WSCD1: variants seen among roughly 807,000 people sequenced by gnomAD.
WSCD1 encodes sialate:O-sulfotransferase 1.
A neutral mutation model predicts 60.4 loss-of-function variants in WSCD1; 41 were observed. The ratio of observed to expected loss-of-function variants is 0.68; its 90% confidence interval spans 0.53 to 0.88. WSCD1 has a LOEUF of 0.88. Ranked by LOEUF, WSCD1 falls within the 40% of genes least tolerant of loss-of-function variation. The pLI is 0.00. For synonymous variants in WSCD1, 361 were observed against 332.5 expected, an observed-to-expected ratio of 1.09 and a Z score of -0.93; for missense variants, 784 against 796.2, an observed-to-expected ratio of 0.98 and a Z score of 0.18.
intron 2 of WSCD1, among the ~76,000 whole-genome samples, 182 bp downstream of exon 2, chr17:6,081,267 C>T (rs1403038788): frequency 1.3e-5 from 2 of 152,220 alleles, no homozygotes; most frequent in Admixed American, 1.3e-4. Context: ...GCTCACTCAC[C>T]AGCTGGAGTT....
intron 5 of WSCD1, among the ~76,000 whole-genome samples, chr17:6,099,920 CAT>C (rs1251898438): frequency 6.6e-6 from 1 of 152,200 alleles, no homozygotes; most frequent in Non-Finnish European, 1.5e-5. Flanking sequence ...AATCACCCCA[CAT>C]GTGTCCATGT....
chr17:6,116,015 T>C (rs1911668156), intron 7 of WSCD1, among the ~76,000 whole-genome samples: 1 of 152,180 alleles, frequency 6.6e-6, no homozygotes, highest in Non-Finnish European at 1.5e-5. Context: ...CTTATAACAA[T>C]CTTGGTTCTG....
upstream of WSCD1, chr17:6,069,424 TGTGTGAGAGAGA>T (rs781606501): frequency 0.03 from 7,781 of 263,272 alleles, 3 homozygotes; most frequent in Non-Finnish European, 0.036. Context: ...TGTGTGTGTG[TGTGTGAGAGAGA>T]GAGAGAGAGA....
intron 5 of WSCD1, among the ~76,000 whole-genome samples, chr17:6,100,430 G>A (rs534094195): frequency 5.9e-5 from 9 of 152,350 alleles, no homozygotes; most frequent in South Asian, 2.1e-4. Context: ...AAGTCAAACC[G>A]CCATCTGCCC....
At chr17:6,084,230 A>C (rs1413791800) in intron 2 of WSCD1, among the ~76,000 whole-genome samples, 2 of 152,258 alleles carry the variant, frequency 1.3e-5, no homozygotes, top group Non-Finnish European at 2.9e-5. Flanking sequence ...AATGTGTGCC[A>C]GGACCGAAGG....
Position 6,090,324 on chromosome 17 carries a change from C to T in WSCD1, c.546C>T (p.Ser182=), listed in dbSNP as rs1484988148. Residue 182 remains serine (S), a synonymous_variant, in exon 4 of 9, where the codon TCC becomes TCT. Coordinates refer to ENST00000317744, the MANE Select transcript of WSCD1 (RefSeq NM_015253.2). ...SHCQDACAER[S]YVYAGLEAGA... is the part of the protein sequence containing the mutation. ...CACCCAGGCCTCCTCCCTGCAGGTC[C>T]TATGTCTACGCCGGCTTGGAGGCCG... The T allele has an allele frequency of 6.3e-7, 1 of 1,594,278 alleles. No homozygotes were observed. The highest frequency in any genetic ancestry group is 1.4e-5 in the African/African-American group (1 of 73,672).
chr17:6,109,804 C>G, intron 6 of WSCD1, 38 bp downstream of exon 6: 1 of 1,596,228 alleles, frequency 6.3e-7, no homozygotes, highest in Non-Finnish European at 8.6e-7. Flanking sequence ...GGCATTTGGT[C>G]TGGGGGGTGG....
intron 1 of WSCD1, among the ~76,000 whole-genome samples, chr17:6,077,589 G>C (rs1473618708): frequency 6.6e-6 from 1 of 152,144 alleles, no homozygotes; most frequent in Non-Finnish European, 1.5e-5. Context: ...GGGAGCGCCA[G>C]AAAATACTTT....
Position 6,122,320 on chromosome 17 carries a change from C to T in WSCD1, c.*1659C>T, listed in dbSNP as rs1010120465. On this transcript the variant is annotated 3_prime_UTR_variant, in exon 9 of 9. Transcript: ENST00000317744. The stretch of plus-strand genomic sequence containing the variant: ...GTGGGTGGGTTTGGGCATCTGTGCC[C>T]CTGGTGGCCTCCAAATCCTTCCTGG... 4 of 152,248 alleles carry T rather than the reference C, an allele frequency of 2.6e-5. No individual in the cohort carries two copies. Among genetic ancestry groups the T allele is most frequent in the African/African-American group, 9.7e-5 (4 of 41,438 alleles). 9.4% of individuals were successfully genotyped at this position (152,248 alleles called of 1,614,324 possible).
At chr17:6,095,046 C>A in intron 4 of WSCD1, 56 bp from the exon 5 acceptor site, 1 of 1,564,408 alleles carries the variant, frequency 6.4e-7, no homozygotes, top group South Asian at 1.2e-5. Context: ...TCCCTGGTGA[C>A]AGGCACCAAC....
At position 6,117,851 on chromosome 17, in the gene WSCD1, C is replaced by T. The variant is rs1038616157; in HGVS notation, c.1175-137C>T. ...GCCGTTCCTATCACCATCCATAGGT[C>T]CTCTCAGTGTCCTCTGTGTCTTCCA... On this transcript the variant is annotated intron_variant, in intron 7 of 8. Transcript: ENST00000317744. 2.6e-5 allele frequency: 21 copies of T among 821,686 alleles called. No individual in the cohort carries two copies. The African/African-American group carries it at 3.2e-4, about 13-fold the overall frequency. 50.9% of individuals were successfully genotyped at this position (821,686 alleles called of 1,614,324 possible). A position where few individuals can be genotyped will look rare whatever the true frequency, so the allele number is the denominator to read the frequency against.
chr17:6,116,243 G>T (rs2150570673), intron 7 of WSCD1, among the ~76,000 whole-genome samples: 1 of 152,262 alleles, frequency 6.6e-6, no homozygotes, highest in African/African-American at 2.4e-5. Flanking sequence ...TGGCTGTTTT[G>T]GTCTACATAT....
rs1225102057 is a variant in WSCD1 at position 6,080,729 on chromosome 17, C to CT, written c.72dup (p.Ala25CysfsTer99). ...CAGTTCCTGCTGTTCTTCCTCACGG[C>CT]TGCCTACCTGATGACCGGCAGCCTG... On this transcript the variant is annotated frameshift_variant, in exon 2 of 9. Coordinates refer to ENST00000317744, the MANE Select transcript of WSCD1 (RefSeq NM_015253.2). LOFTEE classifies it high-confidence loss of function. The surrounding 1 kb of genome is among the most constrained non-coding windows in gnomAD (Gnocchi z 6.6). 1.2e-6 allele frequency: 2 copies of CT among 1,613,320 alleles called. No homozygotes were observed. The highest frequency in any genetic ancestry group is 1.7e-6 in the Non-Finnish European group (2 of 1,179,912).
chr17:6,088,787 T>TTC (rs1909825740), intron 3 of WSCD1, among the ~76,000 whole-genome samples: 3 of 14,370 alleles, frequency 2.1e-4, no homozygotes, highest in South Asian at 8.9e-3. Flanking sequence ...TTTTTTCACC[T>TTC]TTTTTTTTTT....
chr17:6,120,704 G>T lies in WSCD1; in HGVS notation c.*43G>T. The T allele has an allele frequency of 1.3e-6, 2 of 1,556,840 alleles. No homozygotes were observed. The highest frequency in any genetic ancestry group is 8.7e-7 in the Non-Finnish European group (1 of 1,147,518). Reference sequence around the variant, plus strand: ...GCCGCCCCCGCTGAGTGACGCAATCGCACCACGGGGCTGCGCTCCCCACTC... The same window carrying T: ...GCCGCCCCCGCTGAGTGACGCAATCTCACCACGGGGCTGCGCTCCCCACTC... On this transcript the variant is annotated 3_prime_UTR_variant, in exon 9 of 9. Coordinates refer to ENST00000317744, the MANE Select transcript of WSCD1 (RefSeq NM_015253.2).
At chr17:6,092,883 G>T (rs1910150193) in intron 4 of WSCD1, among the ~76,000 whole-genome samples, 1 of 152,168 alleles carries the variant, frequency 6.6e-6, no homozygotes, top group Non-Finnish European at 1.5e-5. Context: ...TGTCCTAGCT[G>T]CCTCTTTGGG....
At chr17:6,094,774 A>AGAAG (rs1207578787) in intron 4 of WSCD1, among the ~76,000 whole-genome samples, 1 of 141,708 alleles carries the variant, frequency 7.1e-6, no homozygotes, top group Non-Finnish European at 1.5e-5. Flanking sequence ...CAGAAGCAAG[A>AGAAG]GAAGGAAGGA....
chr17:6,109,108 A>C (rs1009258194), intron 5 of WSCD1, among the ~76,000 whole-genome samples: 3 of 152,124 alleles, frequency 2.0e-5, no homozygotes, highest in Non-Finnish European at 4.4e-5. Context: ...TCAGGGCTTG[A>C]GGTCTGTTCA....
Position 6,110,947 on chromosome 17 carries a change from C to T in WSCD1, c.1174+12C>T, listed in dbSNP as rs1284118686. ...CCTCTACAACAAAGGTAAGTCAAAG[C>T]TACAGGGGACGATGGAAGGCAGCTC... On this transcript the variant is annotated intron_variant, in intron 7 of 8. Coordinates refer to ENST00000317744, the MANE Select transcript of WSCD1 (RefSeq NM_015253.2). This position sits in a 1 kb window ranked among gnomAD's most constrained non-coding sequence, Gnocchi z 4.8. The T allele has an allele frequency of 2.5e-6, 4 of 1,579,602 alleles. No individual in the cohort carries two copies. Among genetic ancestry groups the T allele is most frequent in the Non-Finnish European group, 3.5e-6 (4 of 1,157,784 alleles).
Sources: gnomAD v4.1 joint callset for allele counts (sites outside exome capture counted in the v4.1 genomes callset) on GRCh38, gnomAD v4.1.1 for gene constraint, Gnocchi (gnomAD v3.1) non-coding constraint, MANE v1.5 for transcripts, NCBI Gene and HGNC (gene_info 2026-07-23, HGNC 2026-07-21) for gene names.